Variants in TNFAIP8L1 observed in about 807,000 individuals in gnomAD.
TNFAIP8L1 encodes the protein tumor necrosis factor alpha-induced protein 8-like protein 1.
For missense variants in TNFAIP8L1, 225 were observed against 266.1 expected, an observed-to-expected ratio of 0.85 and a Z score of 1.08; for synonymous variants, 127 against 125.6, an observed-to-expected ratio of 1.01 and a Z score of -0.08.
At position 4,652,867 on chromosome 19, in the gene TNFAIP8L1, C is replaced by G. The variant is rs954363021; in HGVS notation, c.*437C>G. ...TGTTAGGGGGCAAGTCGCGGCACCC[C>G]CCCTTCCATAAACTCACGTCCTAAC... On this transcript the variant is annotated 3_prime_UTR_variant, in exon 2 of 2. Coordinates refer to ENST00000327473, the MANE Select transcript of TNFAIP8L1 (RefSeq NM_152362.3). The G allele has an allele frequency of 5.3e-6, 1 of 188,934 alleles. No homozygotes were observed. Among genetic ancestry groups the G allele is most frequent in the African/African-American group, 2.4e-5 (1 of 42,318 alleles). The allele number at this position is 188,934 out of a possible 1,614,324, so 11.7% of individuals were successfully genotyped here.
At chr19:4,650,196 G>A (rs2088349010) in intron 1 of TNFAIP8L1, among the ~76,000 whole-genome samples, 1 of 152,188 alleles carries the variant, frequency 6.6e-6, no homozygotes, top group Admixed American at 6.6e-5. Flanking sequence ...CTGGGGAGCA[G>A]AGGAGCAATG....
At position 4,652,361 on chromosome 19, in the gene TNFAIP8L1, GC is replaced by G; in HGVS notation, c.495del (p.Tyr166ThrfsTer75). ...TGGCTGCGCTCTACGGCCCCGCCGA[GC>G]CCTACCGCTCCCACCTGCGCAGGAT... ...FLAALYGPAE[P>X]YRSHLRRICE... On this transcript the variant is annotated frameshift_variant, in exon 2 of 2. Transcript: ENST00000327473. LOFTEE classifies it low-confidence loss of function (END_TRUNC). The G allele has an allele frequency of 6.4e-7, 1 of 1,555,664 alleles. No homozygotes were observed.
intron 1 of TNFAIP8L1, among the ~76,000 whole-genome samples, chr19:4,642,918 C>T (rs769653465): frequency 3.3e-5 from 5 of 151,678 alleles, no homozygotes; most frequent in Admixed American, 1.3e-4. Flanking sequence ...GGAGGACAGA[C>T]GGGGGGCATG....
In TNFAIP8L1 at chr19:4,652,036, C is replaced by T. The variant is rs1202231230; in HGVS notation, c.167C>T (p.Ala56Val). 3 of 1,613,806 alleles carry T rather than the reference C, an allele frequency of 1.9e-6. No homozygotes were observed. The highest frequency in any genetic ancestry group is 2.5e-6 in the Non-Finnish European group (3 of 1,179,846). ...TREFTRSRKE[A>V]QKMLKNLVKV... ...GAGTTCACGCGCAGCCGCAAGGAGG[C>T]CCAGAAGATGCTCAAGAACCTGGTC... The change falls in exon 2 of 2, where the codon GCC becomes GTC. Residue 56 changes from alanine (A) to valine (V), a missense_variant. By Grantham distance (64) the Ala-to-Val change is moderately conservative. Coordinates refer to ENST00000327473, the MANE Select transcript of TNFAIP8L1 (RefSeq NM_152362.3).
intron 1 of TNFAIP8L1, among the ~76,000 whole-genome samples, chr19:4,644,696 C>A (rs1038467672): frequency 6.6e-6 from 1 of 150,584 alleles, no homozygotes; most frequent in Admixed American, 6.6e-5. Flanking sequence ...CTCTGCCCCC[C>A]AGGTTCATGC....
intron 1 of TNFAIP8L1, chr19:4,642,449 C>A (rs528954863): frequency 1.4e-4 from 21 of 147,238 alleles, no homozygotes; most frequent in African/African-American, 5.3e-4. Flanking sequence ...CACTGCTCTC[C>A]AGCCTGGGTT....
At position 4,641,690 on chromosome 19, in the gene TNFAIP8L1, CA is replaced by C. The variant is rs1391169413; in HGVS notation, c.-4+2063del. ...GGTGCTTTGAGGGGTGGGGGAGATT[CA>C]ACAAGATATTGTTAAAAGCCCGAGG... On this transcript the variant is annotated intron_variant, in intron 1 of 1. Transcript: ENST00000327473. This position sits in a 1 kb window ranked among gnomAD's most constrained non-coding sequence, Gnocchi z 4.6. 1.3e-5 allele frequency: 2 copies of C among 152,098 alleles called. No individual in the cohort carries two copies. Among genetic ancestry groups the C allele is most frequent in the African/African-American group, 4.8e-5 (2 of 41,398 alleles). The allele number at this position is 152,098 out of a possible 1,614,324, so 9.4% of individuals were successfully genotyped here. A position where few individuals can be genotyped will look rare whatever the true frequency, so the allele number is the denominator to read the frequency against.
chr19:4,642,319 A>T (rs1452465949), intron 1 of TNFAIP8L1: 1 of 152,130 alleles, frequency 6.6e-6, no homozygotes, highest in Non-Finnish European at 1.5e-5. Context: ...TGTCTCTACT[A>T]AAAATACAAA....
chr19:4,652,140 C>T lies in TNFAIP8L1; in HGVS notation c.271C>T (p.Arg91Cys). The part of the protein sequence containing the change: ...GEELALLRRF[R>C]HRARCLAMTA... ...GGAGCTGGCGCTGCTGCGGCGCTTC[C>T]GCCACCGGGCGCGCTGCCTGGCCAT... is the stretch of plus-strand genomic sequence containing the variant. Residue 91 changes from arginine to cysteine, a missense_variant, in exon 2 of 2, where the codon CGC becomes TGC. Transcript: ENST00000327473. 2.6e-6 allele frequency: 4 copies of T among 1,565,872 alleles called. No individual in the cohort carries two copies. Among genetic ancestry groups the T allele is most frequent in the African/African-American group, 1.4e-5 (1 of 73,706 alleles).
Position 4,652,358 on chromosome 19 carries a change from C to G in TNFAIP8L1, c.489C>G (p.Ala163=), listed in dbSNP as rs1295587171. 3.9e-6 allele frequency: 6 copies of G among 1,554,854 alleles called. No individual in the cohort carries two copies. Among genetic ancestry groups the G allele is most frequent in the East Asian group, 4.8e-5 (2 of 41,298 alleles). ...CDFLAALYGP[A]EPYRSHLRRI... ...TCCTGGCTGCGCTCTACGGCCCCGC[C>G]GAGCCCTACCGCTCCCACCTGCGCA... is the stretch of plus-strand genomic sequence containing the variant. Residue 163 remains alanine, a synonymous_variant, in exon 2 of 2, where the codon GCC becomes GCG. Coordinates refer to ENST00000327473, the MANE Select transcript of TNFAIP8L1 (RefSeq NM_152362.3).
At chr19:4,642,280 A>G (rs1035483702) in intron 1 of TNFAIP8L1, 2 of 152,222 alleles carry the variant, frequency 1.3e-5, no homozygotes, top group Admixed American at 1.3e-4. Flanking sequence ...CAGGAATTCG[A>G]GACCAGCCTG....
At chr19:4,651,481 G>A (rs1337319517) in intron 1 of TNFAIP8L1, among the ~76,000 whole-genome samples, 1 of 151,380 alleles carries the variant, frequency 6.6e-6, no homozygotes, top group Non-Finnish European at 1.5e-5. Context: ...TTGAATTATA[G>A]GCTGCAGTGC....
At chr19:4,648,336 G>A (rs1043702395) in intron 1 of TNFAIP8L1, among the ~76,000 whole-genome samples, 10 of 152,220 alleles carry the variant, frequency 6.6e-5, no homozygotes, top group South Asian at 2.1e-4. Context: ...CCGCTACACC[G>A]CCTCCTGCAG....
chr19:4,652,523 TCC>T lies in TNFAIP8L1; in HGVS notation c.*95_*96del. ...TGTGGGTTTTTTTCCACCTCTTTTCTCCCAATCGGACTCCGGCCAAACTCCCC... is the reference window on the plus strand; with the variant it reads ...TGTGGGTTTTTTTCCACCTCTTTTCTCAATCGGACTCCGGCCAAACTCCCC... On this transcript the variant is annotated 3_prime_UTR_variant, in exon 2 of 2. Coordinates refer to ENST00000327473, the MANE Select transcript of TNFAIP8L1 (RefSeq NM_152362.3). 1 of 1,294,168 alleles carries T rather than the reference TCC, an allele frequency of 7.7e-7. No individual in the cohort carries two copies. Among genetic ancestry groups the T allele is most frequent in the African/African-American group, 1.5e-5 (1 of 65,660 alleles). The allele number at this position is 1,294,168 out of a possible 1,614,324, so 80.2% of individuals were successfully genotyped here.
At position 4,648,013 on chromosome 19, in the gene TNFAIP8L1, G is replaced by C. The variant is rs373614696; in HGVS notation, c.-3-3854G>C. Among the ~76,000 whole-genome samples, 145 of 152,302 alleles carry C rather than the reference G, an allele frequency of 9.5e-4. 1 individual carries two copies. The highest frequency in any genetic ancestry group is 3.4e-3 in the African/African-American group (140 of 41,574). On this transcript the variant is annotated intron_variant, in intron 1 of 1. Coordinates refer to ENST00000327473, the MANE Select transcript of TNFAIP8L1 (RefSeq NM_152362.3). ...AGGGATGGGATCTGTTTTGATGCCT[G>C]CTGTATCCCCAGTGCCTCTGTGGTC...
chr19:4,644,022 A>C (rs2088286787), intron 1 of TNFAIP8L1, among the ~76,000 whole-genome samples: 1 of 151,966 alleles, frequency 6.6e-6, no homozygotes, highest in Admixed American at 6.6e-5. Flanking sequence ...GGAATTCGAG[A>C]CCAGCCTGAC....
intron 1 of TNFAIP8L1, among the ~76,000 whole-genome samples, chr19:4,643,890 G>A (rs530655194): frequency 8.7e-5 from 13 of 149,250 alleles, no homozygotes; most frequent in South Asian, 6.5e-4. Flanking sequence ...GGCTGAGATC[G>A]CGCAACAGAG....
At chr19:4,651,774 G>A (rs1231813095) in intron 1 of TNFAIP8L1, 93 bp from the exon 2 acceptor site, 1 of 1,375,964 alleles carries the variant, frequency 7.3e-7, no homozygotes, top group East Asian at 2.4e-5. Flanking sequence ...AACAAATTCC[G>A]TTAGGCCCTC....
At position 4,653,934 on chromosome 19, in the gene TNFAIP8L1, C is replaced by G. The variant is rs1320025234; in HGVS notation, c.*1504C>G. 1 of 151,824 alleles carries G rather than the reference C, an allele frequency of 6.6e-6. No individual in the cohort carries two copies. The highest frequency in any genetic ancestry group is 1.5e-5 in the Non-Finnish European group (1 of 67,980). The allele number at this position is 151,824 out of a possible 1,614,324, so 9.4% of individuals were successfully genotyped here. On this transcript the variant is annotated 3_prime_UTR_variant, in exon 2 of 2. Coordinates refer to ENST00000327473, the MANE Select transcript of TNFAIP8L1 (RefSeq NM_152362.3). The stretch of plus-strand genomic sequence containing the variant: ...CTCCAGCTTGGGTGAGAGTGGGACT[C>G]TGTCTTAGAAAGAAAAAAAAAAGTA...
Sources: allele counts gnomAD v4.1 joint callset (sites outside exome capture counted in the v4.1 genomes callset), GRCh38; gene constraint gnomAD v4.1.1; non-coding constraint Gnocchi (gnomAD v3.1); transcripts MANE v1.5; gene names NCBI Gene and HGNC (gene_info 2026-07-23, HGNC 2026-07-21).